Variants in COL7A1 observed in about 807,000 individuals in gnomAD.
COL7A1 encodes the protein collagen alpha-1(VII) chain.
In COL7A1, 296 loss-of-function variants were observed where a neutral mutation model predicts 456.2. The ratio of observed to expected loss-of-function variants is 0.65; its 90% CI spans 0.59 to 0.71. COL7A1 has a LOEUF of 0.71. COL7A1 is among the 30% of genes least tolerant of loss of function. The pLI is 0.00. For synonymous variants in COL7A1, 1,464 were observed against 1,525.9 expected, an observed-to-expected ratio of 0.96 and a Z score of 0.95; for missense variants, 3,441 against 4,017.2, an observed-to-expected ratio of 0.86 and a Z score of 3.88.
Position 48,587,281 on chromosome 3 carries a change from T to C in COL7A1, c.3048A>G (p.Thr1016=). Residue 1016 remains threonine (T), a synonymous_variant, in exon 24 of 119, where the codon ACA becomes ACG. Transcript: ENST00000681320. This position sits in a 1 kb window ranked among gnomAD's most constrained non-coding sequence, Gnocchi z 6.1. ...TGTAAGAGACGCCAGGCTCTAGCCC[T>C]GTCACCCGCTGGGAGCTTGAGATCC... ...LPGISSSQRV[T]GLEPGVSYIF... is the part of the protein sequence containing the mutation. 6.2e-7 allele frequency: 1 copy of C among 1,608,602 alleles called. No individual in the cohort carries two copies. Among genetic ancestry groups the C allele is most frequent in the Non-Finnish European group, 8.5e-7 (1 of 1,177,388 alleles).
At position 48,589,238 on chromosome 3, in the gene COL7A1, G is replaced by T. The variant is rs576214366; in HGVS notation, c.2314+89C>A. The T allele has an allele frequency of 1.8e-5, 28 of 1,585,808 alleles. 1 individual carries two copies. In the South Asian group the frequency reaches 2.7e-4, roughly 15 times the overall value. ...TGTGGACAGGACAGTCACTGAGCAG[G>T]GGGGTGGAGGCAGCTGGGCAATCAG... On this transcript the variant is annotated intron_variant, in intron 18 of 118. Transcript: ENST00000681320.
chr3:48,587,222 C>T lies in COL7A1; in HGVS notation c.3107G>A (p.Arg1036Gln), dbSNP rs150873722. Residue 1036 changes from arginine (R) to glutamine (Q), a missense_variant, in exon 24 of 119, where the codon CGG becomes CAG. Transcript: ENST00000681320. The surrounding 1 kb of genome is among the most constrained non-coding windows in gnomAD (Gnocchi z 6.1). ...FSLTPVLDGV[R>Q]GPEASVTQTP... ...CTGTGTGACAGATGCCTCAGGACCC[C>T]GCACACCATCCAGGACAGGCGTCAG... 54 of 1,613,432 alleles carry T rather than the reference C, an allele frequency of 3.3e-5. No homozygotes were observed. The African/African-American group carries it at 4.8e-4, about 14-fold the overall frequency.
chr3:48,589,369 C>T lies in COL7A1; in HGVS notation c.2272G>A (p.Ala758Thr). 1.2e-6 allele frequency: 2 copies of T among 1,613,122 alleles called. No individual in the cohort carries two copies. The highest frequency in any genetic ancestry group is 1.7e-6 in the Non-Finnish European group (2 of 1,180,004). The change falls in exon 18 of 119, where the codon GCT (alanine) becomes ACT (threonine). Residue 758 changes from alanine to threonine, a missense_variant. By Grantham distance (58) the Ala-to-Thr change is moderately conservative. Coordinates refer to ENST00000681320, the MANE Select transcript of COL7A1 (RefSeq NM_000094.4). ...EYTVHVRAHV[A>T]GVDGPPASVV... is the part of the protein sequence containing the mutation. ...GAGGCAGGGGGCCCATCCACGCCAGCCACATGGGCCCTCACATGCACCGTA... is the reference window on the plus strand; with the variant it reads ...GAGGCAGGGGGCCCATCCACGCCAGTCACATGGGCCCTCACATGCACCGTA...
In COL7A1 at chr3:48,579,867, T is replaced by G; in HGVS notation, c.5125-53A>C. 1.2e-6 allele frequency: 2 copies of G among 1,613,426 alleles called. No homozygotes were observed. The highest frequency in any genetic ancestry group is 1.7e-6 in the Non-Finnish European group (2 of 1,179,624). On this transcript the variant is annotated intron_variant, in intron 57 of 118. Transcript: ENST00000681320. This position sits in a 1 kb window ranked among gnomAD's most constrained non-coding sequence, Gnocchi z 4.4. ...ATGGCTCAACAAGGGGAAGAGGAGT[T>G]GGCGAGGGGATACAGGGTCTGTGAG...
chr3:48,585,979 C>A lies in COL7A1; in HGVS notation c.3724-4G>T. On this transcript the variant is annotated splice_region_variant and splice_polypyrimidine_tract_variant and intron_variant, in intron 28 of 118. Coordinates refer to ENST00000681320, the MANE Select transcript of COL7A1 (RefSeq NM_000094.4). This position sits in a 1 kb window ranked among gnomAD's most constrained non-coding sequence, Gnocchi z 4.5. ...CTGGGCAGGGCTCTGGCCGGGGCTG[C>A]GGACATAGGGTCTCTTTGAGGTTGA... The A allele has an allele frequency of 6.2e-7, 1 of 1,613,872 alleles. No homozygotes were observed. The highest frequency in any genetic ancestry group is 8.5e-7 in the Non-Finnish European group (1 of 1,180,006).
rs2107783790 is a variant in COL7A1, at chr3:48,590,934, G to T, written c.1637-118C>A. ...GGCCATGGGGGTGGGGATGTGGGGT[G>T]GTGGGGACCAGAGAGCTGGGATATG... On this transcript the variant is annotated intron_variant, in intron 13 of 118. Coordinates refer to ENST00000681320, the MANE Select transcript of COL7A1 (RefSeq NM_000094.4). This position sits in a 1 kb window ranked among gnomAD's most constrained non-coding sequence, Gnocchi z 4.6. 1 of 1,082,622 alleles carries T rather than the reference G, an allele frequency of 9.2e-7. No individual in the cohort carries two copies. The highest frequency in any genetic ancestry group is 1.4e-6 in the Non-Finnish European group (1 of 729,788). The allele number at this position is 1,082,622 out of a possible 1,614,324, so 67.1% of individuals were successfully genotyped here. A position where few individuals can be genotyped will look rare whatever the true frequency, so the allele number is the denominator to read the frequency against.
In COL7A1 at chr3:48,588,730, A is replaced by T; in HGVS notation, c.2499T>A (p.Gly833=). 1 of 1,613,828 alleles carries T rather than the reference A, an allele frequency of 6.2e-7. No individual in the cohort carries two copies. Among genetic ancestry groups the T allele is most frequent in the Non-Finnish European group, 8.5e-7 (1 of 1,180,038 alleles). ...CTGAGTAGCTGACTCCACCTTCGAG[A>T]CCCCGGATCTCTGCAGAGTCTGTGT... is the stretch of plus-strand genomic sequence containing the variant. ...PGNTDSAEIR[G]LEGGVSYSVR... Residue 833 remains glycine, a synonymous_variant, in exon 20 of 119, where the codon GGT becomes GGA. Coordinates refer to ENST00000681320, the MANE Select transcript of COL7A1 (RefSeq NM_000094.4). This position sits in a 1 kb window ranked among gnomAD's most constrained non-coding sequence, Gnocchi z 4.6.
At position 48,590,613 on chromosome 3, in the gene COL7A1, C is replaced by T. The variant is rs200079569; in HGVS notation, c.1781-29G>A. The T allele has an allele frequency of 3.7e-6, 6 of 1,613,944 alleles. No individual in the cohort carries two copies. Among genetic ancestry groups the T allele is most frequent in the African/African-American group, 1.3e-5 (1 of 74,900 alleles). Reference sequence around the variant, plus strand: ...GGAGTTACAGACAGAAGTCAGAAGTCAGAACCAGGACCAGAGTGAGGCAGG... The same window carrying T: ...GGAGTTACAGACAGAAGTCAGAAGTTAGAACCAGGACCAGAGTGAGGCAGG... On this transcript the variant is annotated intron_variant, in intron 14 of 118. Coordinates refer to ENST00000681320, the MANE Select transcript of COL7A1 (RefSeq NM_000094.4). This position sits in a 1 kb window ranked among gnomAD's most constrained non-coding sequence, Gnocchi z 4.6.
rs1368260901 is a variant in COL7A1, at chr3:48,589,407, G to T, written c.2234C>A (p.Pro745Gln). ...ATVAELDGLE[P>Q]DTEYTVHVRA... ...CACATGCACCGTATACTCAGTATCTGGCTCCAGTCCATCCAGCTCAGCCAC... is the reference window on the plus strand; with the variant it reads ...CACATGCACCGTATACTCAGTATCTTGCTCCAGTCCATCCAGCTCAGCCAC... Residue 745 changes from proline to glutamine, a missense_variant, in exon 18 of 119, where the codon CCA becomes CAA. Pro to Gln is a moderately conservative substitution (Grantham distance 76). Around this residue, in one of 3 missense-constraint regions of COL7A1, gnomAD observed 913 missense variants for 1,088.2 expected, o/e 0.84. Transcript: ENST00000681320. 2 of 1,613,726 alleles carry T rather than the reference G, an allele frequency of 1.2e-6. No individual in the cohort carries two copies. Among genetic ancestry groups the T allele is most frequent in the African/African-American group, 1.3e-5 (1 of 75,012 alleles).
At position 48,593,433 on chromosome 3, in the gene COL7A1, G is replaced by A. The variant is rs2045853258; in HGVS notation, c.443C>T (p.Thr148Ile). Residue 148 changes from threonine to isoleucine, a missense_variant, in exon 5 of 119, where the codon ACA becomes ATA. By Grantham distance (89) the Thr-to-Ile change is moderately conservative. Transcript: ENST00000681320. This position sits in a 1 kb window ranked among gnomAD's most constrained non-coding sequence, Gnocchi z 4.4. ...CACCAGGTCCTGGGACTTCCCGTCT[G>A]TGATCAGGATGCAGACCTGGGACAG... is the stretch of plus-strand genomic sequence containing the variant. The part of the protein sequence containing the change: ...PGVPKVCILI[T>I]DGKSQDLVDT... 6.2e-7 allele frequency: 1 copy of A among 1,614,102 alleles called. No homozygotes were observed. The highest frequency in any genetic ancestry group is 1.1e-5 in the South Asian group (1 of 91,076).
Position 48,570,081 on chromosome 3 carries a change from C to T in COL7A1, c.7485+53G>A. 1 of 1,609,206 alleles carries T rather than the reference C, an allele frequency of 6.2e-7. No individual in the cohort carries two copies. Among genetic ancestry groups the T allele is most frequent in the Non-Finnish European group, 8.5e-7 (1 of 1,175,726 alleles). On this transcript the variant is annotated intron_variant, in intron 99 of 118. Transcript: ENST00000681320. This position sits in a 1 kb window ranked among gnomAD's most constrained non-coding sequence, Gnocchi z 5.5. ...GCAGAGAGTCCTGGGGTACAAAGGG[C>T]ACAGGCAGGGGACTGAAGTCACAGC...
At position 48,569,500 on chromosome 3, in the gene COL7A1, C is replaced by G. The variant is rs1294696061; in HGVS notation, c.7615-54G>C. On this transcript the variant is annotated intron_variant, in intron 102 of 118. Coordinates refer to ENST00000681320, the MANE Select transcript of COL7A1 (RefSeq NM_000094.4). The surrounding 1 kb of genome is among the most constrained non-coding windows in gnomAD (Gnocchi z 4.9). ...TAAGGGGCTGAAGGTCCCTCACCCTCTGGGAGTTTGAGCTCTCAGATGCCC... is the reference window on the plus strand; with the variant it reads ...TAAGGGGCTGAAGGTCCCTCACCCTGTGGGAGTTTGAGCTCTCAGATGCCC... The G allele has an allele frequency of 5.6e-6, 9 of 1,613,638 alleles. No homozygotes were observed. The highest frequency in any genetic ancestry group is 7.6e-6 in the Non-Finnish European group (9 of 1,179,542).
rs754280379 is a variant in COL7A1, at chr3:48,588,632, C to T, written c.2587+10G>A. ...CCCATCCGAAGCTCTCCAGCGCATG[C>T]TCTGCCTACGCGTAGTGACAACAAT... On this transcript the variant is annotated intron_variant, in intron 20 of 118. Transcript: ENST00000681320. This position sits in a 1 kb window ranked among gnomAD's most constrained non-coding sequence, Gnocchi z 4.6. The T allele has an allele frequency of 3.1e-6, 5 of 1,613,846 alleles. No homozygotes were observed. In the South Asian group the frequency reaches 3.3e-5, roughly 11 times the overall value.
chr3:48,567,971 A>G lies in COL7A1; in HGVS notation c.7876-80T>C. 6.2e-7 allele frequency: 1 copy of G among 1,604,170 alleles called. No homozygotes were observed. Among genetic ancestry groups the G allele is most frequent in the Non-Finnish European group, 8.5e-7 (1 of 1,171,502 alleles). ...CCCTTCACCCTGAAACTAACTCTCC[A>G]AACAGGCCTCAGCTACTCCAACCTC... On this transcript the variant is annotated intron_variant, in intron 106 of 118. Transcript: ENST00000681320. This position sits in a 1 kb window ranked among gnomAD's most constrained non-coding sequence, Gnocchi z 4.3.
chr3:48,576,223 A>G, intron 71 of COL7A1, 26 bp downstream of exon 71: 2 of 1,613,134 alleles, frequency 1.2e-6, no homozygotes, highest in Non-Finnish European at 1.7e-6. Flanking sequence ...AAACAGAGTC[A>G]AGGGGACATC....
chr3:48,582,020 C>A (rs1370680792), intron 47 of COL7A1, 77 bp from the exon 48 acceptor site: 2 of 1,597,116 alleles, frequency 1.3e-6, no homozygotes, highest in South Asian at 1.1e-5. Context: ...GAATGGAGGT[C>A]ACATGGAATT....
chr3:48,565,567 G>C lies in COL7A1; in HGVS notation c.8440+69C>G. On this transcript the variant is annotated intron_variant, in intron 115 of 118. Coordinates refer to ENST00000681320, the MANE Select transcript of COL7A1 (RefSeq NM_000094.4). The surrounding 1 kb of genome is among the most constrained non-coding windows in gnomAD (Gnocchi z 4.5). ...CAGCCATCCCAGCCAACCCCCCTGA[G>C]AGGACCCCAGTTGATAGGCAGGGCA... The C allele has an allele frequency of 6.2e-7, 1 of 1,614,050 alleles. No individual in the cohort carries two copies. Among genetic ancestry groups the C allele is most frequent in the Non-Finnish European group, 8.5e-7 (1 of 1,179,934 alleles).
chr3:48,573,847 G>A lies in COL7A1; in HGVS notation c.6537+8C>T. The A allele has an allele frequency of 6.2e-7, 1 of 1,613,974 alleles. No individual in the cohort carries two copies. The highest frequency in any genetic ancestry group is 8.5e-7 in the Non-Finnish European group (1 of 1,179,994). On this transcript the variant is annotated splice_region_variant and intron_variant, in intron 81 of 118. Transcript: ENST00000681320. This position sits in a 1 kb window ranked among gnomAD's most constrained non-coding sequence, Gnocchi z 5.5. Reference sequence around the variant, plus strand: ...GGGCAAGACAGGTGAAGGTTCTTGGGTACTCACCACTGGGCCAGGGGGGCC... The same window carrying A: ...GGGCAAGACAGGTGAAGGTTCTTGGATACTCACCACTGGGCCAGGGGGGCC...
In COL7A1 at chr3:48,570,879, T is replaced by C. The variant is rs75693856; in HGVS notation, c.7254A>G (p.Pro2418=). The C allele has an allele frequency of 3.7e-6, 6 of 1,612,738 alleles. No individual in the cohort carries two copies. In the East Asian group the frequency reaches 1.3e-4, roughly 36 times the overall value. ...QTGPRGEMGQ[P]GPSGERGLAG... is the part of the protein sequence containing the mutation. ...CCCTCACCCGCTCTCCACTAGGGCC[T>C]GGCTGACCCATCTCTCCTCGAGGGC... is the stretch of plus-strand genomic sequence containing the variant. The change falls in exon 95 of 119, where the codon CCA becomes CCG. Residue 2418 remains proline, a synonymous_variant. Coordinates refer to ENST00000681320, the MANE Select transcript of COL7A1 (RefSeq NM_000094.4). The surrounding 1 kb of genome is among the most constrained non-coding windows in gnomAD (Gnocchi z 5.5).
Sources: allele counts gnomAD v4.1 joint callset, GRCh38; gene constraint gnomAD v4.1.1; regional missense constraint gnomAD v4.1.1; non-coding constraint Gnocchi (gnomAD v3.1); transcripts MANE v1.5; gene names NCBI Gene and HGNC (gene_info 2026-07-23, HGNC 2026-07-21).